Variants in TEX9 observed in about 807,000 individuals in gnomAD.
The protein encoded by TEX9 is testis-expressed protein 9.
Under a neutral mutation model 59.6 loss-of-function variants are expected in TEX9, and 74 were observed. That is an observed-to-expected ratio of 1.24 (90% CI 1.03 to 1.51). The LOEUF is 1.51. Ranked by LOEUF, TEX9 falls within the 40% of genes most tolerant of loss-of-function variation. The probability of loss-of-function intolerance (pLI) is 0.00; values close to 1 mark genes in which losing one functional copy is unlikely to be tolerated. For missense variants in TEX9, 522 were observed against 447.8 expected (o/e 1.17, Z -1.49); for synonymous variants, 186 against 152.2 (o/e 1.22, Z -1.64).
At chr15:56,369,032 C>T (rs530488893) in intron 2 of TEX9, among the ~76,000 whole-genome samples, 8 of 151,840 alleles carry the variant, frequency 5.3e-5, no homozygotes, top group Non-Finnish European at 4.4e-5. Context: ...AATTTCTCTC[C>T]AACTGTAGGT....
intron 1 of TEX9, among the ~76,000 whole-genome samples, chr15:56,333,946 G>C (rs2046209278): frequency 6.6e-6 from 1 of 151,704 alleles, no homozygotes; most frequent in East Asian, 1.9e-4. Context: ...AAATACCTAG[G>C]AATTAACCGA....
At chr15:56,298,993 C>T (rs1299726774) in intron 1 of TEX9, among the ~76,000 whole-genome samples, 1 of 152,150 alleles carries the variant, frequency 6.6e-6, no homozygotes, top group Non-Finnish European at 1.5e-5. Context: ...AATTGTTCCC[C>T]CCAAACCCCT....
chr15:56,280,797 A>C (rs544588462), intron 1 of TEX9, among the ~76,000 whole-genome samples: 1 of 152,226 alleles, frequency 6.6e-6, no homozygotes. Context: ...GCCAGATTTT[A>C]TGCCTAAGAC....
intron 3 of TEX9, 82 bp downstream of exon 3, chr15:56,373,586 A>G (rs2047290184): frequency 8.7e-7 from 1 of 1,146,484 alleles, no homozygotes. Context: ...CATATATACA[A>G]AACACTAGCC....
chr15:56,384,847 A>G (rs1343016977), intron 4 of TEX9, among the ~76,000 whole-genome samples: 3 of 152,216 alleles, frequency 2.0e-5, no homozygotes, highest in Admixed American at 1.3e-4. Flanking sequence ...CACAATATCA[A>G]CAGTATGTCC....
chr15:56,318,152 C>G (rs2045821476), intron 1 of TEX9, among the ~76,000 whole-genome samples: 2 of 151,982 alleles, frequency 1.3e-5, no homozygotes, highest in South Asian at 4.1e-4. Flanking sequence ...TATTTTGAAG[C>G]TCTGTTGTTA....
chr15:56,398,790 G>C (rs1264677308), intron 9 of TEX9, among the ~76,000 whole-genome samples: 1 of 151,990 alleles, frequency 6.6e-6, no homozygotes, highest in Non-Finnish European at 1.5e-5. Flanking sequence ...CCTTTGTATG[G>C]GGATAATTTT....
intron 1 of TEX9, among the ~76,000 whole-genome samples, chr15:56,355,029 T>C (rs1451934869): frequency 6.6e-6 from 1 of 152,194 alleles, no homozygotes; most frequent in Non-Finnish European, 1.5e-5. Context: ...AGCTTTGGCA[T>C]TTATATACAG....
intron 1 of TEX9, among the ~76,000 whole-genome samples, chr15:56,260,720 C>G (rs2044246460): frequency 6.6e-6 from 1 of 151,792 alleles, no homozygotes; most frequent in Admixed American, 6.6e-5. Context: ...ATTATAATAT[C>G]TTTGTCATAT....
Position 56,412,286 on chromosome 15 carries a change from C to A in TEX9, c.829-16C>A. The A allele has an allele frequency of 6.3e-7, 1 of 1,582,848 alleles. No homozygotes were observed. Among genetic ancestry groups the A allele is most frequent in the Non-Finnish European group, 8.5e-7 (1 of 1,169,742 alleles). Reference sequence around the variant, plus strand: ...GATATATTTATAAATGTTCCATAATCTTTTTTACTATACAGGAATTAGAAA... The same window carrying A: ...GATATATTTATAAATGTTCCATAATATTTTTTACTATACAGGAATTAGAAA... On this transcript the variant is annotated splice_polypyrimidine_tract_variant and intron_variant, in intron 9 of 12. Coordinates refer to ENST00000352903, the Ensembl canonical transcript of TEX9.
At chr15:56,386,491 A>G (rs1270286482) in intron 4 of TEX9, among the ~76,000 whole-genome samples, 1 of 152,032 alleles carries the variant, frequency 6.6e-6, no homozygotes, top group African/African-American at 2.4e-5. Context: ...AGCTACTGGT[A>G]TTACAGTGGT....
At chr15:56,437,566 T>C (rs1312350620) in intron 12 of TEX9, among the ~76,000 whole-genome samples, 1 of 152,190 alleles carries the variant, frequency 6.6e-6, no homozygotes, top group African/African-American at 2.4e-5. Flanking sequence ...AAGACAGGGA[T>C]GCCCTCTCTC....
intron 1 of TEX9, among the ~76,000 whole-genome samples, chr15:56,304,316 T>C (rs1178309337): frequency 6.6e-6 from 1 of 152,238 alleles, no homozygotes; most frequent in Admixed American, 6.5e-5. Context: ...CATCCTTGTC[T>C]TGTTGCAGAT....
the TEX9 span, among the ~76,000 whole-genome samples, chr15:56,456,726 G>C: frequency 6.6e-6 from 1 of 152,014 alleles, no homozygotes; most frequent in East Asian, 1.9e-4. Flanking sequence ...ATAGTAAGAA[G>C]AATATTTAAA....
chr15:56,354,568 C>T (rs1567095752), intron 1 of TEX9, among the ~76,000 whole-genome samples: 1 of 152,116 alleles, frequency 6.6e-6, no homozygotes, highest in African/African-American at 2.4e-5. Flanking sequence ...ATAATAATAA[C>T]AAAGTTTATT....
chr15:56,443,943 CACT>C, intron 12 of TEX9: 1 of 1,030,440 alleles, frequency 9.7e-7, no homozygotes, highest in Non-Finnish European at 1.4e-6. Context: ...TACAGAAAAA[CACT>C]ATAGTTTTTT....
chr15:56,258,995 T>G (rs1192509084), intron 1 of TEX9, among the ~76,000 whole-genome samples: 1 of 151,672 alleles, frequency 6.6e-6, no homozygotes, highest in East Asian at 1.9e-4. Flanking sequence ...TCTACTAAAC[T>G]ATGTCTTGCT....
At chr15:56,304,603 A>T (rs1416574585) in intron 1 of TEX9, among the ~76,000 whole-genome samples, 1 of 152,248 alleles carries the variant, frequency 6.6e-6, no homozygotes, top group Non-Finnish European at 1.5e-5. Context: ...ACTTTATCCC[A>T]TGATGGTCAT....
chr15:56,394,420 T>C (rs2048357753), intron 8 of TEX9, 173 bp downstream of exon 8: 1 of 641,352 alleles, frequency 1.6e-6, no homozygotes, highest in African/African-American at 1.9e-5. Context: ...TTCACAGAGC[T>C]GAAATATCTT....
Sources: allele counts gnomAD v4.1 joint callset (sites outside exome capture counted in the v4.1 genomes callset), GRCh38; gene constraint gnomAD v4.1.1; transcripts MANE v1.5; gene names NCBI Gene and HGNC (gene_info 2026-07-23, HGNC 2026-07-21).